The following WDCP variants were observed in gnomAD, a reference collection of about 807,000 sequenced individuals.
WDCP encodes the protein WD repeat and coiled coil containing, also known as WD repeat and coiled-coil-containing protein.
In WDCP, 19 loss-of-function variants were observed where a neutral mutation model predicts 41.6. The observed-to-expected ratio is 0.46, with a 90% confidence interval of 0.32 to 0.67. WDCP has a LOEUF of 0.67. Among genes scored for constraint, WDCP ranks in the 30% least tolerant of loss-of-function variants. WDCP has a pLI of 0.04. For synonymous variants in WDCP, 302 were observed against 320.8 expected (o/e 0.94, Z 0.63); for missense variants, 802 against 850.7 (o/e 0.94, Z 0.71).
Position 24,032,879 on chromosome 2 carries a change from A to G in WDCP, c.1886T>C (p.Leu629Pro). The G allele has an allele frequency of 1.2e-6, 2 of 1,613,924 alleles. No individual in the cohort carries two copies. The highest frequency in any genetic ancestry group is 1.7e-6 in the Non-Finnish European group (2 of 1,179,846). The change falls in exon 3 of 4, where the codon CTC becomes CCC. Residue 629 changes from leucine to proline, a missense_variant. Around this residue, in one of 5 missense-constraint regions of WDCP, gnomAD observed 321 missense variants for 305.1 expected, o/e 1.05. Coordinates refer to ENST00000295148, the MANE Select transcript of WDCP (RefSeq NM_025203.3). ...GCCAAAAGTCTGCTGAACTGTACTG[A>G]GCCTTAGTTTACCATCACAGAGAAG... ...AVLLCDGKLR[L>P]STVQQTFGLS... is the part of the protein sequence containing the mutation.
chr2:24,038,392 GAGT>G lies in WDCP; in HGVS notation c.1100_1102del (p.Tyr367del). 1 of 1,614,182 alleles carries G rather than the reference GAGT, an allele frequency of 6.2e-7. No homozygotes were observed. Among genetic ancestry groups the G allele is most frequent in the Non-Finnish European group, 8.5e-7 (1 of 1,180,032 alleles). ...GTTTGGGACTGAAGATGGAATGACA[GAGT>G]AGATCAAAATTATATTACAAGTGTT... On this transcript the variant is annotated inframe_deletion, in exon 2 of 4. Transcript: ENST00000295148.
rs1303221613 is a variant in WDCP, at chr2:24,044,266, GT to G, written c.-19+3047del. Among the ~76,000 whole-genome samples the G allele has an allele frequency of 1.4e-4, 19 of 139,116 alleles. No homozygotes were observed. In the Admixed American group the frequency reaches 1.4e-3, roughly 10 times the overall value. The allele number at this position is 139,116 out of a possible 152,430, so 91.3% of individuals were successfully genotyped here. A position where few individuals can be genotyped will look rare whatever the true frequency, so the allele number is the denominator to read the frequency against. ...GAAAAACAAACATAAGTTTACTGAG[GT>G]TTTTTTTTGGGGGGGGCGTGGGGGC... On this transcript the variant is annotated intron_variant, in intron 1 of 3. Coordinates refer to ENST00000295148, the MANE Select transcript of WDCP (RefSeq NM_025203.3).
At chr2:24,031,311 AT>A (rs1663088806) in intron 3 of WDCP, 149 bp from the exon 4 acceptor site, 3 of 625,404 alleles carry the variant, frequency 4.8e-6, no homozygotes, top group Non-Finnish European at 8.5e-6. Context: ...AGAATGGGGT[AT>A]TGGGAAGACT....
At position 24,044,198 on chromosome 2, in the gene WDCP, G is replaced by A. The variant is rs1412340235; in HGVS notation, c.-19+3116C>T. On this transcript the variant is annotated intron_variant, in intron 1 of 3. Transcript: ENST00000295148. ...AATTCTGTCTAATGTCAATGAGGGT[G>A]TGTGTGGCCAGGGTAGCACAAGACA... Among the ~76,000 whole-genome samples the A allele has an allele frequency of 2.0e-5, 3 of 152,042 alleles. No homozygotes were observed. In the East Asian group the frequency reaches 5.8e-4, roughly 29 times the overall value.
intron 2 of WDCP, 103 bp downstream of exon 2, chr2:24,037,574 A>T: frequency 7.8e-7 from 1 of 1,281,492 alleles, no homozygotes; most frequent in South Asian, 1.5e-5. Flanking sequence ...AGCTTAGTGA[A>T]GCTCAGTTAG....
chr2:24,039,551 C>A, intron 1 of WDCP, 39 bp from the exon 2 acceptor site: 1 of 1,553,736 alleles, frequency 6.4e-7, no homozygotes, highest in South Asian at 1.2e-5. Context: ...CATGAGAAAT[C>A]TAGACAAATC....
intron 3 of WDCP, among the ~76,000 whole-genome samples, chr2:24,032,570 A>T (rs1268980326): frequency 6.6e-6 from 1 of 152,074 alleles, no homozygotes; most frequent in Non-Finnish European, 1.5e-5. Context: ...AGTTCTCACT[A>T]GTTGGGAGTC....
chr2:24,042,467 CAG>C (rs1663474088), intron 1 of WDCP, among the ~76,000 whole-genome samples: 1 of 142,384 alleles, frequency 7.0e-6, no homozygotes, highest in Admixed American at 7.5e-5. Context: ...ACCCTGGAGG[CAG>C]AGGTTGCAGT....
chr2:24,039,423 A>T lies in WDCP; in HGVS notation c.72T>A (p.His24Gln). The change falls in exon 2 of 4, where the codon CAT becomes CAA. Residue 24 changes from histidine (H) to glutamine (Q), a missense_variant. Around this residue, in one of 5 missense-constraint regions of WDCP, gnomAD observed 214 missense variants for 252.9 expected, o/e 0.85. Transcript: ENST00000295148. ...NALHQAVHPI[H>Q]GLAWTDGNQV... ...GATTCCCATCGGTCCAGGCAAGGCC[A>T]TGGATCGGATGCACTGCTTGATGCA... The T allele has an allele frequency of 6.2e-7, 1 of 1,614,260 alleles. No individual in the cohort carries two copies. Among genetic ancestry groups the T allele is most frequent in the Non-Finnish European group, 8.5e-7 (1 of 1,180,038 alleles).
At chr2:24,045,817 T>A (rs934874616) in intron 1 of WDCP, 25 of 151,680 alleles carry the variant, frequency 1.6e-4, no homozygotes, top group Non-Finnish European at 1.5e-4. Flanking sequence ...TACAGAAAAA[T>A]TTTTAAAAAT....
At chr2:24,031,196 T>A (rs1376492319) in intron 3 of WDCP, 34 bp from the exon 4 acceptor site, 1 of 1,497,674 alleles carries the variant, frequency 6.7e-7, no homozygotes, top group Admixed American at 1.8e-5. Flanking sequence ...GGCAATTTAG[T>A]ATATATTATT....
rs1663059705 is a variant in WDCP at position 24,030,046 on chromosome 2, A to C, written c.*887T>G. On this transcript the variant is annotated 3_prime_UTR_variant, in exon 4 of 4. Coordinates refer to ENST00000295148, the MANE Select transcript of WDCP (RefSeq NM_025203.3). Reference sequence around the variant, plus strand: ...GTCTCTAAGACTTAAAAGGAGAGAAAATAAAAATATCAAATTAAAGTGACA... The same window carrying C: ...GTCTCTAAGACTTAAAAGGAGAGAACATAAAAATATCAAATTAAAGTGACA... 2 of 152,612 alleles carry C rather than the reference A, an allele frequency of 1.3e-5. No homozygotes were observed. The highest frequency in any genetic ancestry group is 2.9e-5 in the Non-Finnish European group (2 of 68,044). The allele number at this position is 152,612 out of a possible 1,614,324, so 9.5% of individuals were successfully genotyped here.
At chr2:24,033,189 G>A (rs1231804898) in intron 2 of WDCP, 1 of 589,686 alleles carries the variant, frequency 1.7e-6, no homozygotes, top group East Asian at 4.0e-5. Flanking sequence ...CTAGGAACTG[G>A]CTCTCCTAGA....
At position 24,030,625 on chromosome 2, in the gene WDCP, G is replaced by A. The variant is rs1358621575; in HGVS notation, c.*308C>T. 2 of 271,340 alleles carry A rather than the reference G, an allele frequency of 7.4e-6. No individual in the cohort carries two copies. Among genetic ancestry groups the A allele is most frequent in the East Asian group, 7.1e-5 (1 of 14,058 alleles). 16.8% of individuals were successfully genotyped at this position (271,340 alleles called of 1,614,324 possible). On this transcript the variant is annotated 3_prime_UTR_variant, in exon 4 of 4. Transcript: ENST00000295148. ...TTTGGACAAGGGACACAAAGCCTCA[G>A]AGAAACCATAAAACACCATCCATAT...
intron 3 of WDCP, 47 bp downstream of exon 3, chr2:24,032,782 G>A: frequency 9.7e-7 from 1 of 1,035,746 alleles, no homozygotes; most frequent in Non-Finnish European, 1.5e-6. Context: ...ACAGATGGTG[G>A]GGGAGGCAAG....
rs181556012 is a variant in WDCP at position 24,041,759 on chromosome 2, T to C, written c.-18-2247A>G. ...TCCCAGCTACTCGGGAGGCTGAGGC[T>C]GGACAATTGCTTGAACCTGGGAGGG... On this transcript the variant is annotated intron_variant, in intron 1 of 3. Transcript: ENST00000295148. Among the ~76,000 whole-genome samples, 1,094 of 148,326 alleles carry C rather than the reference T, an allele frequency of 7.4e-3. 10 individuals are homozygous for C. Among genetic ancestry groups the C allele is most frequent in the African/African-American group, 0.026 (1,054 of 40,224 alleles).
chr2:24,042,192 A>T (rs1186623370), intron 1 of WDCP, among the ~76,000 whole-genome samples: 2 of 151,880 alleles, frequency 1.3e-5, no homozygotes, highest in African/African-American at 4.8e-5. Context: ...ACGTGAGGTC[A>T]GGAGCTCAAA....
At position 24,037,865 on chromosome 2, in the gene WDCP, GA is replaced by G; in HGVS notation, c.1629del (p.Gln544LysfsTer68). ...HTSTLEPPRLPQRKNLQSEKE... is the reference protein window; with the variant it reads ...HTSTLEPPRLXQRKNLQSEKE... ...TTTTCACTTTGTAAGTTCTTTCTTT[GA>G]GGCAAACGAGGAGGCTCCAGTGTGC... On this transcript the variant is annotated frameshift_variant, in exon 2 of 4. Transcript: ENST00000295148. LOFTEE classifies it high-confidence loss of function. 1 of 1,614,104 alleles carries G rather than the reference GA, an allele frequency of 6.2e-7. No individual in the cohort carries two copies.
chr2:24,041,709 T>G (rs1168092633), intron 1 of WDCP, among the ~76,000 whole-genome samples: 1 of 150,674 alleles, frequency 6.6e-6, no homozygotes, highest in Non-Finnish European at 1.5e-5. Context: ...AAAAATTAGC[T>G]GGGCTCGGTG....
Sources: gnomAD v4.1 joint callset for allele counts (sites outside exome capture counted in the v4.1 genomes callset) on GRCh38, gnomAD v4.1.1 for gene constraint, gnomAD v4.1.1 regional missense constraint, MANE v1.5 for transcripts, NCBI Gene and HGNC (gene_info 2026-07-23, HGNC 2026-07-21) for gene names.